Variants in PTGER4 observed in about 807,000 individuals in gnomAD.
PTGER4 encodes prostaglandin E receptor 4.
Under a neutral mutation model 33.2 loss-of-function variants are expected in PTGER4, and 11 were observed. The ratio of observed to expected loss-of-function variants is 0.33; its 90% CI spans 0.21 to 0.55. PTGER4 has a LOEUF of 0.55. Among genes scored for constraint, PTGER4 ranks in the 20% least tolerant of loss-of-function variants. PTGER4 has a pLI of 0.92. For synonymous variants in PTGER4, 275 were observed against 281.5 expected, an observed-to-expected ratio of 0.98 and a Z score of 0.23; for missense variants, 481 against 650.2, an observed-to-expected ratio of 0.74 and a Z score of 2.83.
At chr5:40,707,875 A>C in the PTGER4 span, among the ~76,000 whole-genome samples, 1 of 152,214 alleles carries the variant, frequency 6.6e-6, no homozygotes, top group Admixed American at 6.5e-5. Flanking sequence ...GGATTAAGAA[A>C]ATCACTCAAA....
At position 40,691,687 on chromosome 5, in the gene PTGER4, A is replaced by C; in HGVS notation, c.868-92A>C. Reference sequence around the variant, plus strand: ...GGAACTTGTTACCAGAAATGAAGGCAGCTTCCTAATATTGATAAGGTAGAC... The same window carrying C: ...GGAACTTGTTACCAGAAATGAAGGCCGCTTCCTAATATTGATAAGGTAGAC... On this transcript the variant is annotated intron_variant, in intron 2 of 2. Transcript: ENST00000302472. The surrounding 1 kb of genome is among the most constrained non-coding windows in gnomAD (Gnocchi z 4.2). The C allele has an allele frequency of 6.8e-7, 1 of 1,466,772 alleles. No homozygotes were observed. Among genetic ancestry groups the C allele is most frequent in the South Asian group, 1.4e-5 (1 of 72,376 alleles). 90.9% of individuals were successfully genotyped at this position (1,466,772 alleles called of 1,614,324 possible).
chr5:40,688,365 C>A (rs1295017463), intron 2 of PTGER4, among the ~76,000 whole-genome samples: 1 of 152,132 alleles, frequency 6.6e-6, no homozygotes, highest in Non-Finnish European at 1.5e-5. Flanking sequence ...TTCGCATAAA[C>A]CCGGCCGTAG....
chr5:40,722,103 G>A, the PTGER4 span, among the ~76,000 whole-genome samples: 1 of 152,216 alleles, frequency 6.6e-6, no homozygotes, highest in Non-Finnish European at 1.5e-5. Context: ...CTACTCGGGA[G>A]GTGAGGCAGG....
chr5:40,696,446 G>A (rs1476375460), downstream of PTGER4, among the ~76,000 whole-genome samples: 1 of 152,096 alleles, frequency 6.6e-6, no homozygotes, highest in Non-Finnish European at 1.5e-5. Context: ...ATGAGAAATA[G>A]AACCCAAAAA....
chr5:40,737,633 T>C, the PTGER4 span, among the ~76,000 whole-genome samples: 4 of 152,210 alleles, frequency 2.6e-5, no homozygotes, highest in Non-Finnish European at 4.4e-5. Flanking sequence ...AAGCATACTT[T>C]CTGATGAGTT....
the PTGER4 span, among the ~76,000 whole-genome samples, chr5:40,717,516 C>G: frequency 2.0e-5 from 3 of 152,146 alleles, no homozygotes; most frequent in Non-Finnish European, 4.4e-5. Context: ...CTGAGTAATT[C>G]TTTATTTTGG....
chr5:40,698,093 A>AG (rs1439554838), downstream of PTGER4, among the ~76,000 whole-genome samples: 222 of 17,232 alleles, frequency 0.013, 9 homozygotes, highest in South Asian at 0.25. Flanking sequence ...CTGTCTCTAC[A>AG]AAAAAAAAAA....
At chr5:40,730,231 T>G in the PTGER4 span, 3 of 1,539,094 alleles carry the variant, frequency 1.9e-6, no homozygotes, top group Non-Finnish European at 2.7e-6. Flanking sequence ...CACAATTTCA[T>G]AAGGAAAGTG....
chr5:40,724,068 A>G, the PTGER4 span, among the ~76,000 whole-genome samples: 1 of 152,246 alleles, frequency 6.6e-6, no homozygotes, highest in Non-Finnish European at 1.5e-5. Flanking sequence ...AAGAGATATT[A>G]GCACTCCCAG....
the PTGER4 span, among the ~76,000 whole-genome samples, chr5:40,710,436 G>A: frequency 6.6e-6 from 1 of 152,080 alleles, no homozygotes; most frequent in African/African-American, 2.4e-5. Context: ...AACAGGTGCT[G>A]GAGAGGATGT....
In PTGER4 at chr5:40,681,803, G is replaced by T; in HGVS notation, c.810G>T (p.Met270Ile). Residue 270 changes from methionine to isoleucine, a missense_variant, in exon 2 of 3, where the codon ATG becomes ATT. Coordinates refer to ENST00000302472, the MANE Select transcript of PTGER4 (RefSeq NM_000958.3). The surrounding 1 kb of genome is among the most constrained non-coding windows in gnomAD (Gnocchi z 9.8). Reference sequence around the variant, plus strand: ...GCATCGCGGGCGCCGAGATCCAGATGGTCATCTTACTCATTGCCACCTCCC... The same window carrying T: ...GCATCGCGGGCGCCGAGATCCAGATTGTCATCTTACTCATTGCCACCTCCC... ...FRRIAGAEIQMVILLIATSLV... is the reference protein window; with the variant it reads ...FRRIAGAEIQIVILLIATSLV... The T allele has an allele frequency of 6.3e-7, 1 of 1,590,754 alleles. No individual in the cohort carries two copies.
At chr5:40,716,308 T>A in the PTGER4 span, 3 of 1,614,222 alleles carry the variant, frequency 1.9e-6, no homozygotes, top group South Asian at 1.1e-5. Context: ...AACAATCTCA[T>A]CACTTTCAAA....
chr5:40,717,656 GT>G, the PTGER4 span, among the ~76,000 whole-genome samples: 1 of 152,214 alleles, frequency 6.6e-6, no homozygotes, highest in Admixed American at 6.5e-5. Flanking sequence ...TTCTCTGGGG[GT>G]AAAACTGCCC....
At chr5:40,739,125 C>T in the PTGER4 span, among the ~76,000 whole-genome samples, 2 of 152,162 alleles carry the variant, frequency 1.3e-5, no homozygotes, top group Non-Finnish European at 2.9e-5. Context: ...TCTATCTTTA[C>T]ACTAGTACTA....
the PTGER4 span, among the ~76,000 whole-genome samples, chr5:40,703,211 T>G: frequency 9.3e-6 from 1 of 107,254 alleles, no homozygotes; most frequent in South Asian, 3.4e-4. Flanking sequence ...AATCCAGGGG[T>G]TGGTTTTTTG....
chr5:40,738,577 A>AATAAAAT, the PTGER4 span, among the ~76,000 whole-genome samples: 386 of 145,362 alleles, frequency 2.7e-3, 5 homozygotes, highest in African/African-American at 9.5e-3. Context: ...TATAAAATAA[A>AATAAAAT]ATAAAATAAA....
downstream of PTGER4, among the ~76,000 whole-genome samples, chr5:40,697,419 C>T (rs1245899728): frequency 1.3e-5 from 2 of 151,742 alleles, no homozygotes; most frequent in Non-Finnish European, 2.9e-5. Context: ...AACCCTGTCT[C>T]TACTAAAAAT....
the PTGER4 span, among the ~76,000 whole-genome samples, chr5:40,718,744 A>T: frequency 6.6e-6 from 1 of 151,682 alleles, no homozygotes; most frequent in Admixed American, 6.6e-5. Flanking sequence ...TCTCGAAAAA[A>T]AAAAAAATTA....
At chr5:40,726,772 T>C in the PTGER4 span, among the ~76,000 whole-genome samples, 2 of 152,160 alleles carry the variant, frequency 1.3e-5, no homozygotes, top group Non-Finnish European at 1.5e-5. Context: ...AGAGATTTGT[T>C]CCATTACCAT....
Sources: allele counts gnomAD v4.1 joint callset (sites outside exome capture counted in the v4.1 genomes callset), GRCh38; gene constraint gnomAD v4.1.1; non-coding constraint Gnocchi (gnomAD v3.1); transcripts MANE v1.5; gene names NCBI Gene and HGNC (gene_info 2026-07-23, HGNC 2026-07-21).